Variants in COG5 observed in about 807,000 individuals in gnomAD.
COG5 encodes the protein component of oligomeric golgi complex 5.
A neutral mutation model predicts 110.4 loss-of-function variants in COG5; 86 were observed. The ratio of observed to expected loss-of-function variants is 0.78; its 90% CI spans 0.65 to 0.93. The LOEUF (loss-of-function observed/expected upper bound fraction) is 0.93, where lower values mean the gene tolerates loss of function less well. COG5 is among the 40% of genes least tolerant of loss of function. COG5 has a pLI of 0.00. For missense variants in COG5, 1,077 were observed against 987.0 expected, an observed-to-expected ratio of 1.09 and a Z score of -1.22; for synonymous variants, 360 against 334.6, an observed-to-expected ratio of 1.08 and a Z score of -0.83.
At chr7:107,414,465 C>T (rs983000656) in intron 6 of COG5, among the ~76,000 whole-genome samples, 1 of 152,010 alleles carries the variant, frequency 6.6e-6, no homozygotes, top group African/African-American at 2.4e-5. Context: ...GTTTACTTAA[C>T]ATGAGAAAAA....
At chr7:107,396,898 T>A (rs1791058494) in intron 7 of COG5, among the ~76,000 whole-genome samples, 1 of 150,834 alleles carries the variant, frequency 6.6e-6, no homozygotes. Context: ...GACAAATTAA[T>A]GTGGCAAGCC....
chr7:107,398,802 TGGGGGTA>T (rs1446231105), intron 7 of COG5, among the ~76,000 whole-genome samples: 3 of 152,116 alleles, frequency 2.0e-5, no homozygotes, highest in Non-Finnish European at 4.4e-5. Context: ...TGCCTGGGTT[TGGGGGTA>T]GGAGGAGGAA....
intron 6 of COG5, among the ~76,000 whole-genome samples, chr7:107,484,434 A>G (rs1797535175): frequency 6.6e-6 from 1 of 152,110 alleles, no homozygotes; most frequent in Admixed American, 6.5e-5. Context: ...TAAACAGGGA[A>G]AAGGAGCTGA....
intron 10 of COG5, among the ~76,000 whole-genome samples, chr7:107,346,738 A>C (rs1265785723): frequency 2.0e-5 from 3 of 151,952 alleles, no homozygotes; most frequent in Non-Finnish European, 4.4e-5. Context: ...GTTCTAGGGT[A>C]CATGTGCACA....
At chr7:107,491,070 A>G (rs755335858) in intron 6 of COG5, among the ~76,000 whole-genome samples, 1 of 152,080 alleles carries the variant, frequency 6.6e-6, no homozygotes, top group Non-Finnish European at 1.5e-5. Context: ...ACTCACTTTA[A>G]AATATCAATT....
intron 7 of COG5, among the ~76,000 whole-genome samples, chr7:107,401,411 A>AATT (rs1393989438): frequency 6.6e-6 from 1 of 152,164 alleles, no homozygotes; most frequent in African/African-American, 2.4e-5. Flanking sequence ...TAACTTTTAA[A>AATT]ATTATTATTT....
chr7:107,539,467 C>T (rs1801823171), intron 5 of COG5, among the ~76,000 whole-genome samples: 1 of 152,094 alleles, frequency 6.6e-6, no homozygotes, highest in African/African-American at 2.4e-5. Flanking sequence ...GATCAATTTC[C>T]ATGAAATGTC....
At chr7:107,424,582 T>C (rs369338442) in intron 6 of COG5, among the ~76,000 whole-genome samples, 3 of 151,742 alleles carry the variant, frequency 2.0e-5, no homozygotes, top group East Asian at 3.9e-4. Flanking sequence ...ATTCAACCCC[T>C]GAAAAAAGCA....
chr7:107,563,616 G>A (rs542909520), intron 1 of COG5, 187 bp downstream of exon 1: 4 of 689,872 alleles, frequency 5.8e-6, no homozygotes, highest in African/African-American at 3.5e-5. Flanking sequence ...CAGAAAAGAG[G>A]GAGCCAGTCC....
intron 5 of COG5, among the ~76,000 whole-genome samples, chr7:107,532,426 T>C (rs1200065764): frequency 4.6e-5 from 7 of 152,314 alleles, no homozygotes; most frequent in Non-Finnish European, 8.8e-5. Context: ...TCCATAGACA[T>C]AGCAAGGAAA....
chr7:107,338,484 A>G (rs1446299129), intron 10 of COG5, among the ~76,000 whole-genome samples: 2 of 152,144 alleles, frequency 1.3e-5, no homozygotes, highest in African/African-American at 4.8e-5. Context: ...ACCTTATACC[A>G]TACATAAAAA....
chr7:107,382,757 G>C (rs1208489918), intron 7 of COG5, among the ~76,000 whole-genome samples: 4 of 152,276 alleles, frequency 2.6e-5, no homozygotes, highest in Non-Finnish European at 4.4e-5. Context: ...ATTTTTCAAA[G>C]AACTCAGTCC....
rs1185295427 is a variant in COG5, at chr7:107,201,756, GTTTTA to G, written c.*1755_*1759del. 60 of 246,784 alleles carry G rather than the reference GTTTTA, an allele frequency of 2.4e-4. 2 individuals are homozygous for G. The East Asian group carries it at 4.5e-3, about 19-fold the overall frequency. The allele number at this position is 246,784 out of a possible 1,614,324, so 15.3% of individuals were successfully genotyped here. ...AGAAAGAGAGGAGAAGTGTATACAT[GTTTTA>G]TTTTAAATTGTACGAAAGGGGAATT... On this transcript the variant is annotated 3_prime_UTR_variant, in exon 22 of 22. Coordinates refer to ENST00000297135, the MANE Select transcript of COG5 (RefSeq NM_006348.5).
intron 14 of COG5, 196 bp from the exon 15 acceptor site, chr7:107,258,579 C>T (rs1584584118): frequency 3.3e-6 from 2 of 608,180 alleles, no homozygotes; most frequent in Non-Finnish European, 5.9e-6. Context: ...GTAAAACCAG[C>T]AATCTGTGTA....
chr7:107,400,199 ATAAG>A (rs1463515858), intron 7 of COG5, among the ~76,000 whole-genome samples: 1 of 152,224 alleles, frequency 6.6e-6, no homozygotes, highest in African/African-American at 2.4e-5. Flanking sequence ...AGATACTTCC[ATAAG>A]TAATGACATA....
chr7:107,333,505 AT>A (rs1484218938), intron 10 of COG5, among the ~76,000 whole-genome samples: 2 of 152,168 alleles, frequency 1.3e-5, no homozygotes, highest in East Asian at 3.8e-4. Context: ...AGAGAAAAAA[AT>A]ATTTATAATG....
Position 107,369,965 on chromosome 7 carries a change from T to C in COG5, c.835+2630A>G, listed in dbSNP as rs568453858. 1.1e-3 allele frequency among the ~76,000 whole-genome samples: 161 copies of C among 152,340 alleles called. 3 individuals are homozygous for C. The South Asian group carries it at 0.013, about 12-fold the overall frequency. On this transcript the variant is annotated intron_variant, in intron 8 of 21. Transcript: ENST00000297135. ...GGCTGAATATCTTCTCACATGCTTA[T>C]TGAATGTGTTCTTCTGTGACCTGCC...
chr7:107,286,041 C>T (rs549211098), intron 12 of COG5, among the ~76,000 whole-genome samples: 4 of 151,878 alleles, frequency 2.6e-5, no homozygotes, highest in Non-Finnish European at 5.9e-5. Flanking sequence ...CTTTTCCATC[C>T]GATTTTAGAT....
chr7:107,496,512 T>C (rs1798280124), intron 6 of COG5, among the ~76,000 whole-genome samples: 1 of 151,782 alleles, frequency 6.6e-6, no homozygotes, highest in Admixed American at 6.6e-5. Context: ...ACACAAAAAT[T>C]AGCTGGGTTT....
Sources: allele counts gnomAD v4.1 joint callset (sites outside exome capture counted in the v4.1 genomes callset), GRCh38; gene constraint gnomAD v4.1.1; transcripts MANE v1.5; gene names NCBI Gene and HGNC (gene_info 2026-07-23, HGNC 2026-07-21).